The following GRM7 variants were observed in gnomAD, a reference collection of about 807,000 sequenced individuals.
The protein encoded by GRM7 is glutamate metabotropic receptor 7.
In GRM7, 35 loss-of-function variants were observed where a neutral mutation model predicts 84.5. The observed-to-expected ratio is 0.41, with a 90% CI of 0.32 to 0.55. GRM7 has a LOEUF of 0.55. Among genes scored for constraint, GRM7 ranks in the 20% least tolerant of loss-of-function variants. The pLI, the probability that GRM7 is intolerant of heterozygous loss-of-function variation, is 0.19. For synonymous variants in GRM7, 487 were observed against 455.1 expected (o/e 1.07, Z -0.89); for missense variants, 1,003 against 1,194.6 (o/e 0.84, Z 2.36).
chr3:7,113,594 G>T (rs1335246789), intron 1 of GRM7, among the ~76,000 whole-genome samples: 1 of 151,996 alleles, frequency 6.6e-6, no homozygotes, highest in Non-Finnish European at 1.5e-5. Flanking sequence ...TTATTTTAGG[G>T]TTCACTCTTG....
chr3:6,983,518 G>C (rs1000384340), intron 1 of GRM7, among the ~76,000 whole-genome samples: 1 of 151,968 alleles, frequency 6.6e-6, no homozygotes, highest in Admixed American at 6.6e-5. Context: ...AATGACATTG[G>C]GTGAATTATA....
rs150722276 is a variant in GRM7 at position 7,415,042 on chromosome 3, G to A, written c.1053G>A (p.Thr351=). The part of the protein sequence containing the change: ...ATVEGFDAYF[T]SRTLENNRRN... The stretch of plus-strand genomic sequence containing the variant: ...GTTTAGGGTTTGATGCCTACTTTAC[G>A]TCCCGTACACTTGAAAACAACAGAA... The change falls in exon 5 of 10, where the codon ACG becomes ACA. Residue 351 remains threonine (T), a synonymous_variant. Transcript: ENST00000357716. 61 of 1,612,530 alleles carry A rather than the reference G, an allele frequency of 3.8e-5. No individual in the cohort carries two copies. Among genetic ancestry groups the A allele is most frequent in the Middle Eastern group, 3.3e-4 (2 of 6,076 alleles).
chr3:6,908,759 C>T (rs1696667927), intron 1 of GRM7, among the ~76,000 whole-genome samples: 1 of 152,110 alleles, frequency 6.6e-6, no homozygotes, highest in Admixed American at 6.6e-5. Context: ...TTCTCAGCCA[C>T]ACTGTATGAG....
At chr3:7,056,820 A>G (rs1697242174) in intron 1 of GRM7, among the ~76,000 whole-genome samples, 1 of 152,054 alleles carries the variant, frequency 6.6e-6, no homozygotes, top group Admixed American at 6.6e-5. Flanking sequence ...TAATAGTAGT[A>G]TAATATTTAG....
At chr3:7,478,685 T>C (rs577103351) in intron 7 of GRM7, among the ~76,000 whole-genome samples, 2 of 151,666 alleles carry the variant, frequency 1.3e-5, no homozygotes, top group South Asian at 4.2e-4. Flanking sequence ...AAAGGTTGGG[T>C]ATGTAGAACA....
At chr3:7,703,194 G>C (rs1701282719) in intron 9 of GRM7, among the ~76,000 whole-genome samples, 1 of 152,056 alleles carries the variant, frequency 6.6e-6, no homozygotes, top group African/African-American at 2.4e-5. Flanking sequence ...TCTCCACTCT[G>C]ATCTTAGGAC....
At chr3:7,497,624 A>G (rs1699751658) in intron 7 of GRM7, among the ~76,000 whole-genome samples, 1 of 152,192 alleles carries the variant, frequency 6.6e-6, no homozygotes, top group South Asian at 2.1e-4. Flanking sequence ...TTTAATAAGA[A>G]GAGATAGGAG....
intron 2 of GRM7, among the ~76,000 whole-genome samples, chr3:7,190,585 G>A (rs547360964): frequency 6.6e-6 from 1 of 152,076 alleles, no homozygotes; most frequent in African/African-American, 2.4e-5. Context: ...TCCTACTAAC[G>A]AGGTGCTTTG....
chr3:7,088,735 G>T (rs187697510), intron 1 of GRM7, among the ~76,000 whole-genome samples: 1 of 135,296 alleles, frequency 7.4e-6, no homozygotes, highest in Non-Finnish European at 1.6e-5. Flanking sequence ...GAACGGCAGG[G>T]GTAAGAGGCT....
chr3:7,482,566 T>A (rs2124939232), intron 7 of GRM7, among the ~76,000 whole-genome samples: 1 of 152,256 alleles, frequency 6.6e-6, no homozygotes, highest in South Asian at 2.1e-4. Flanking sequence ...TGCCCCCGGA[T>A]TTGTGGAAAA....
intron 1 of GRM7, among the ~76,000 whole-genome samples, chr3:6,989,471 T>TTTAACTTA (rs1358539103): frequency 6.6e-6 from 1 of 152,224 alleles, no homozygotes; most frequent in African/African-American, 2.4e-5. Flanking sequence ...ACTTATATGT[T>TTTAACTTA]TATGGCTATC....
chr3:6,871,667 T>C (rs1399133213), intron 1 of GRM7, among the ~76,000 whole-genome samples: 1 of 152,076 alleles, frequency 6.6e-6, no homozygotes, highest in African/African-American at 2.4e-5. Flanking sequence ...AAGCATGTAC[T>C]TACAATAAAA....
At chr3:7,298,910 A>T in intron 3 of GRM7, 85 bp downstream of exon 3, 1 of 1,179,934 alleles carries the variant, frequency 8.5e-7, no homozygotes, top group Non-Finnish European at 1.2e-6. Context: ...AGACAGGAAA[A>T]GATAGCATAA....
intron 1 of GRM7, among the ~76,000 whole-genome samples, chr3:6,905,320 T>G (rs1238545744): frequency 2.0e-5 from 3 of 152,220 alleles, no homozygotes; most frequent in African/African-American, 4.8e-5. Flanking sequence ...GTACCATTTG[T>G]TATATGAAGC....
intron 4 of GRM7, among the ~76,000 whole-genome samples, chr3:7,346,747 T>TA (rs887640999): frequency 7.2e-5 from 11 of 152,276 alleles, no homozygotes; most frequent in African/African-American, 2.4e-4. Context: ...TACGTGTTTT[T>TA]AAAAAATATT....
chr3:7,693,813 A>C, intron 9 of GRM7: 2 of 568,588 alleles, frequency 3.5e-6, no homozygotes, highest in Non-Finnish European at 6.3e-6. Flanking sequence ...GGTAGTTCTC[A>C]TCACATGCCA....
intron 8 of GRM7, among the ~76,000 whole-genome samples, chr3:7,598,513 A>G (rs1233374488): frequency 1.3e-5 from 2 of 152,224 alleles, no homozygotes; most frequent in East Asian, 3.8e-4. Flanking sequence ...TACAGCAAAG[A>G]AACTTTCTTT....
chr3:7,642,388 T>C (rs1180653324), intron 8 of GRM7, among the ~76,000 whole-genome samples: 1 of 152,208 alleles, frequency 6.6e-6, no homozygotes, highest in Non-Finnish European at 1.5e-5. Flanking sequence ...TCGTGCACTC[T>C]CATAGACGAA....
At chr3:7,392,982 G>A (rs1695059792) in intron 4 of GRM7, among the ~76,000 whole-genome samples, 2 of 152,150 alleles carry the variant, frequency 1.3e-5, no homozygotes, top group South Asian at 4.1e-4. Context: ...TCAGGCCAAG[G>A]TCAGGATGCA....
Sources: allele counts gnomAD v4.1 joint callset (sites outside exome capture counted in the v4.1 genomes callset), GRCh38; gene constraint gnomAD v4.1.1; transcripts MANE v1.5; gene names NCBI Gene and HGNC (gene_info 2026-07-23, HGNC 2026-07-21).